ORAI3: variants seen among roughly 807,000 people sequenced by gnomAD.
ORAI3 encodes ORAI calcium release-activated calcium modulator 3.
In ORAI3, 15 loss-of-function variants were observed where a neutral mutation model predicts 17.2. That is an observed-to-expected ratio of 0.87 (90% CI 0.58 to 1.34). ORAI3 has a LOEUF of 1.34. Among genes scored for constraint, ORAI3 ranks in the 40% most tolerant of loss-of-function variants. ORAI3 has a pLI of 0.00. For missense variants in ORAI3, 405 were observed against 396.7 expected (o/e 1.02, Z -0.18); for synonymous variants, 178 against 172.4 (o/e 1.03, Z -0.25).
rs1417857479 is a variant in ORAI3, at chr16:30,949,214, G to T, written c.-76G>T. The T allele has an allele frequency of 9.4e-6, 10 of 1,068,104 alleles. No homozygotes were observed. Among genetic ancestry groups the T allele is most frequent in the Non-Finnish European group, 1.2e-5 (10 of 800,494 alleles). 66.2% of individuals were successfully genotyped at this position (1,068,104 alleles called of 1,614,324 possible). On this transcript the variant is annotated 5_prime_UTR_variant, in exon 1 of 2. Transcript: ENST00000318663. Reference sequence around the variant, plus strand: ...TGTCTGGGAATGGGGCCGCCCCCGGGCTTGGGCCGGCCCGGCTGGGGCCCC... The same window carrying T: ...TGTCTGGGAATGGGGCCGCCCCCGGTCTTGGGCCGGCCCGGCTGGGGCCCC...
chr16:30,951,160 C>A (rs2055923150), intron 1 of ORAI3, among the ~76,000 whole-genome samples: 1 of 152,202 alleles, frequency 6.6e-6, no homozygotes, highest in Non-Finnish European at 1.5e-5. Flanking sequence ...CTTCTTCTTT[C>A]CCCAGGCCCA....
intron 1 of ORAI3, among the ~76,000 whole-genome samples, chr16:30,950,662 T>C (rs2055920762): frequency 6.6e-6 from 1 of 152,122 alleles, no homozygotes; most frequent in Admixed American, 6.5e-5. Context: ...AGGGAAACTC[T>C]CTAACCCTAA....
At chr16:30,949,564 G>GAGCCCCAGGAGCCGGAGCGGGACAGCGGA in intron 1 of ORAI3, 47 bp downstream of exon 1, 1 of 669,264 alleles carries the variant, frequency 1.5e-6, no homozygotes, top group Non-Finnish European at 2.3e-6. Flanking sequence ...AGCAAGTGGG[G>GAGCCCCAGGAGCCGGAGCGGGACAGCGGA]GGCACAGGTC....
In ORAI3 at chr16:30,949,276, GCC is replaced by G; in HGVS notation, c.-5_-4del. 1 of 1,136,010 alleles carries G rather than the reference GCC, an allele frequency of 8.8e-7. No homozygotes were observed. Among genetic ancestry groups the G allele is most frequent in the Non-Finnish European group, 1.1e-6 (1 of 872,280 alleles). The allele number at this position is 1,136,010 out of a possible 1,614,324, so 70.4% of individuals were successfully genotyped here. On this transcript the variant is annotated 5_prime_UTR_variant, in exon 1 of 2. Coordinates refer to ENST00000318663, the MANE Select transcript of ORAI3 (RefSeq NM_152288.3). ...CGCCCCGTAGTGACCGCCTGGTGCC[GCC>G]CCCCCCCCAGGATGAAGGGCGGCGA...
At position 30,954,228 on chromosome 16, in the gene ORAI3, A is replaced by ATTTTT. The variant is rs397854749; in HGVS notation, c.*395_*399dup. ...CAGAAGGCAGCCAATTGTTGGTTTA[A>ATTTTT]TTTTTTTTTTTTTTTGAGACAGTCT... On this transcript the variant is annotated 3_prime_UTR_variant, in exon 2 of 2. Transcript: ENST00000318663. The ATTTTT allele has an allele frequency of 4.9e-5, 28 of 572,710 alleles. No individual in the cohort carries two copies. In the African/African-American group the frequency reaches 5.1e-4, roughly 10 times the overall value. 35.5% of individuals were successfully genotyped at this position (572,710 alleles called of 1,614,324 possible). A position where few individuals can be genotyped will look rare whatever the true frequency, so the allele number is the denominator to read the frequency against.
rs1454939856 is a variant in ORAI3 at position 30,949,211 on chromosome 16, CGGGCTTGGGCCGGCCCGGCTGG to C, written c.-76_-55del. On this transcript the variant is annotated 5_prime_UTR_variant, in exon 1 of 2. It removes the in-frame stop codon of an upstream open reading frame in the 5' UTR. Coordinates refer to ENST00000318663, the MANE Select transcript of ORAI3 (RefSeq NM_152288.3). ...TCCTGTCTGGGAATGGGGCCGCCCC[CGGGCTTGGGCCGGCCCGGCTGG>C]GGCCCCCGAGGCGCTTCCGCCCCGT... 2 of 1,059,450 alleles carry C rather than the reference CGGGCTTGGGCCGGCCCGGCTGG, an allele frequency of 1.9e-6. No homozygotes were observed. Among genetic ancestry groups the C allele is most frequent in the Non-Finnish European group, 2.5e-6 (2 of 792,236 alleles). The allele number at this position is 1,059,450 out of a possible 1,614,324, so 65.6% of individuals were successfully genotyped here.
chr16:30,949,672 CCTT>C (rs1375194972), intron 1 of ORAI3, 155 bp downstream of exon 1: 3 of 655,882 alleles, frequency 4.6e-6, no homozygotes, highest in Non-Finnish European at 5.1e-6. Flanking sequence ...TGAGCAAGTC[CCTT>C]CTTACGGATG....
Position 30,953,707 on chromosome 16 carries a change from A to G in ORAI3, c.751A>G (p.Ile251Val), listed in dbSNP as rs780917926. The G allele has an allele frequency of 3.7e-6, 6 of 1,614,072 alleles. No individual in the cohort carries two copies. The Admixed American group carries it at 6.7e-5, about 18-fold the overall frequency. The change falls in exon 2 of 2, where the codon ATC becomes GTC. Residue 251 changes from isoleucine to valine, a missense_variant. Transcript: ENST00000318663. The part of the protein sequence containing the change: ...GWQAAMASTA[I>V]MVPVGLVFVA... ...GCAAGCAGCCATGGCCTCCACAGCCATCATGGTACCCGTGGGGCTCGTGTT... is the reference window on the plus strand; with the variant it reads ...GCAAGCAGCCATGGCCTCCACAGCCGTCATGGTACCCGTGGGGCTCGTGTT...
rs1596661016 is a variant in ORAI3 at position 30,949,161 on chromosome 16, GCGCCCGC to G, written c.-124_-118del. ...CTCCACTGGGGGTGCCTCTTCCTGG[GCGCCCGC>G]CGCCTGCATCCTGCTCGTCCTGTCT... On this transcript the variant is annotated 5_prime_UTR_variant, in exon 1 of 2. Transcript: ENST00000318663. 2 of 586,106 alleles carry G rather than the reference GCGCCCGC, an allele frequency of 3.4e-6. No homozygotes were observed. Among genetic ancestry groups the G allele is most frequent in the Non-Finnish European group, 5.4e-6 (2 of 368,468 alleles). 36.3% of individuals were successfully genotyped at this position (586,106 alleles called of 1,614,324 possible).
rs751047505 is a variant in ORAI3 at position 30,953,140 on chromosome 16, G to A, written c.229-45G>A. The A allele has an allele frequency of 4.1e-5, 63 of 1,522,214 alleles. No individual in the cohort carries two copies. In the East Asian group the frequency reaches 1.4e-3, roughly 33 times the overall value. 94.3% of individuals were successfully genotyped at this position (1,522,214 alleles called of 1,614,324 possible). On this transcript the variant is annotated intron_variant, in intron 1 of 1. Coordinates refer to ENST00000318663, the MANE Select transcript of ORAI3 (RefSeq NM_152288.3). ...CCGATAGGCGGAAAAAATCTCTACA[G>A]TTGAGGTTATGGGGAGATCAGTACA... is the stretch of plus-strand genomic sequence containing the variant.
chr16:30,952,408 G>A (rs757151665), intron 1 of ORAI3, among the ~76,000 whole-genome samples: 83 of 152,176 alleles, frequency 5.5e-4, no homozygotes, highest in Middle Eastern at 3.4e-3. Flanking sequence ...GTGTTGGGAT[G>A]AAAGGCGTGA....
At chr16:30,952,915 T>C (rs1567344600) in intron 1 of ORAI3, among the ~76,000 whole-genome samples, 1 of 152,084 alleles carries the variant, frequency 6.6e-6, no homozygotes, top group Non-Finnish European at 1.5e-5. Context: ...ATCCACACAC[T>C]TTGGCCTCCC....
At position 30,949,251 on chromosome 16, in the gene ORAI3, C is replaced by T; in HGVS notation, c.-39C>T. 7.5e-7 allele frequency: 1 copy of T among 1,339,790 alleles called. No homozygotes were observed. The highest frequency in any genetic ancestry group is 4.0e-5 in the Admixed American group (1 of 24,856). 83.0% of individuals were successfully genotyped at this position (1,339,790 alleles called of 1,614,324 possible). A position where few individuals can be genotyped will look rare whatever the true frequency, so the allele number is the denominator to read the frequency against. On this transcript the variant is annotated 5_prime_UTR_variant, in exon 1 of 2. Transcript: ENST00000318663. Reference sequence around the variant, plus strand: ...CCGGCTGGGGCCCCCGAGGCGCTTCCGCCCCGTAGTGACCGCCTGGTGCCG... The same window carrying T: ...CCGGCTGGGGCCCCCGAGGCGCTTCTGCCCCGTAGTGACCGCCTGGTGCCG...
At position 30,953,701 on chromosome 16, in the gene ORAI3, A is replaced by G. The variant is rs2055936656; in HGVS notation, c.745A>G (p.Thr249Ala). ...GPGWQAAMAS[T>A]AIMVPVGLVF... The stretch of plus-strand genomic sequence containing the variant: ...AGGCTGGCAAGCAGCCATGGCCTCC[A>G]CAGCCATCATGGTACCCGTGGGGCT... Residue 249 changes from threonine to alanine, a missense_variant, in exon 2 of 2, where the codon ACA (threonine) becomes GCA (alanine). Physicochemically the swap from Thr to Ala is moderately conservative, Grantham distance 58 (BLOSUM62 0). Coordinates refer to ENST00000318663, the MANE Select transcript of ORAI3 (RefSeq NM_152288.3). 6.2e-7 allele frequency: 1 copy of G among 1,614,140 alleles called. No homozygotes were observed. Among genetic ancestry groups the G allele is most frequent in the Non-Finnish European group, 8.5e-7 (1 of 1,180,030 alleles).
At chr16:30,949,873 T>G (rs1596661561) in intron 1 of ORAI3, 1 of 204,052 alleles carries the variant, frequency 4.9e-6, no homozygotes, top group Non-Finnish European at 1.0e-5. Flanking sequence ...CAAAGGCAGG[T>G]CAGCTGGGTG....
chr16:30,953,947 C>A lies in ORAI3; in HGVS notation c.*103C>A. The stretch of plus-strand genomic sequence containing the variant: ...TCATCCCCCCATCCCCTGGCTGGAG[C>A]CACTTCCAGTGGCCACTCTCAGGCA... On this transcript the variant is annotated 3_prime_UTR_variant, in exon 2 of 2. Coordinates refer to ENST00000318663, the MANE Select transcript of ORAI3 (RefSeq NM_152288.3). 2 of 1,311,020 alleles carry A rather than the reference C, an allele frequency of 1.5e-6. No homozygotes were observed. Among genetic ancestry groups the A allele is most frequent in the Non-Finnish European group, 2.1e-6 (2 of 940,012 alleles). 81.2% of individuals were successfully genotyped at this position (1,311,020 alleles called of 1,614,324 possible).
rs2055936727 is a variant in ORAI3 at position 30,953,711 on chromosome 16, T to C, written c.755T>C (p.Met252Thr). The change falls in exon 2 of 2, where the codon ATG (methionine) becomes ACG (threonine). Residue 252 changes from methionine to threonine, a missense_variant. Physicochemically the swap from Met to Thr is moderately conservative, Grantham distance 81. Transcript: ENST00000318663. ...WQAAMASTAI[M>T]VPVGLVFVAF... is the part of the protein sequence containing the mutation. ...GCAGCCATGGCCTCCACAGCCATCA[T>C]GGTACCCGTGGGGCTCGTGTTTGTG... 1.2e-6 allele frequency: 2 copies of C among 1,614,094 alleles called. No homozygotes were observed. The highest frequency in any genetic ancestry group is 1.7e-5 in the Admixed American group (1 of 60,012).
rs773975763 is a variant in ORAI3 at position 30,953,361 on chromosome 16, C to G, written c.405C>G (p.Val135=). ...AVSNIHNLNS[V]HQSPHQRLHR... ...GCAACATCCACAACCTCAACTCTGT[C>G]CACCAGTCGCCACACCAGAGACTGC... Residue 135 remains valine, a synonymous_variant, in exon 2 of 2, where the codon GTC becomes GTG. Transcript: ENST00000318663. 1.9e-6 allele frequency: 3 copies of G among 1,614,200 alleles called. No homozygotes were observed. In the South Asian group the frequency reaches 3.3e-5, roughly 18 times the overall value.
rs1027359837 is a variant in ORAI3, at chr16:30,949,115, C to T, written c.-175C>T. On this transcript the variant is annotated 5_prime_UTR_variant, in exon 1 of 2. Coordinates refer to ENST00000318663, the MANE Select transcript of ORAI3 (RefSeq NM_152288.3). ...GTCCCGCTCCGGCTCCTGGGGCTCC[C>T]CGCAGACGCTGCTTTTCTTGCTCCA... 1 of 486,232 alleles carries T rather than the reference C, an allele frequency of 2.1e-6. No individual in the cohort carries two copies. The highest frequency in any genetic ancestry group is 3.5e-6 in the Non-Finnish European group (1 of 282,538). The allele number at this position is 486,232 out of a possible 1,614,324, so 30.1% of individuals were successfully genotyped here. A position where few individuals can be genotyped will look rare whatever the true frequency, so the allele number is the denominator to read the frequency against.
Sources: gnomAD v4.1 joint callset for allele counts (sites outside exome capture counted in the v4.1 genomes callset) on GRCh38, gnomAD v4.1.1 for gene constraint, MANE v1.5 for transcripts, NCBI Gene and HGNC (gene_info 2026-07-23, HGNC 2026-07-21) for gene names.